INPP4B: variants seen among roughly 807,000 people sequenced by gnomAD.
The protein encoded by INPP4B is inositol polyphosphate 4-phosphatase type II.
In INPP4B, 55 loss-of-function variants were observed where a neutral mutation model predicts 122.5. That is an observed-to-expected ratio of 0.45 (90% CI 0.36 to 0.56). INPP4B has a LOEUF of 0.56. Among genes scored for constraint, INPP4B ranks in the 20% least tolerant of loss-of-function variants. The pLI, the probability that INPP4B is intolerant of heterozygous loss-of-function variation, is 0.00. For missense variants in INPP4B, 1,000 were observed against 1,097.7 expected, an observed-to-expected ratio of 0.91 and a Z score of 1.26; for synonymous variants, 403 against 388.7, an observed-to-expected ratio of 1.04 and a Z score of -0.43.
At chr4:142,030,110 A>T (rs750296278) in intron 25 of INPP4B, 1 of 1,495,152 alleles carries the variant, frequency 6.7e-7, no homozygotes, top group Non-Finnish European at 8.9e-7. Flanking sequence ...GAAAAGAAAA[A>T]GGAATACAAC....
At chr4:142,585,755 A>G (rs1442940535) in intron 2 of INPP4B, among the ~76,000 whole-genome samples, 1 of 151,978 alleles carries the variant, frequency 6.6e-6, no homozygotes, top group Non-Finnish European at 1.5e-5. Flanking sequence ...TCTTTGAAGT[A>G]TCTCTTTCCA....
chr4:142,318,059 A>G (rs949876302), intron 7 of INPP4B, among the ~76,000 whole-genome samples: 4 of 152,162 alleles, frequency 2.6e-5, no homozygotes, highest in African/African-American at 7.2e-5. Context: ...GTCACCTTGG[A>G]AAAATTATTG....
chr4:142,405,120 G>GGGC, intron 6 of INPP4B, 86 bp downstream of exon 6: 1 of 701,442 alleles, frequency 1.4e-6, no homozygotes, highest in Non-Finnish European at 2.5e-6. Flanking sequence ...GGCGGGGGTG[G>GGGC]GGGGGAGGGA....
At chr4:142,838,859 A>C (rs2151204258) in intron 1 of INPP4B, among the ~76,000 whole-genome samples, 1 of 152,350 alleles carries the variant, frequency 6.6e-6, no homozygotes, top group Non-Finnish European at 1.5e-5. Context: ...CAAGGGGAAA[A>C]CCAAACAATT....
intron 25 of INPP4B, among the ~76,000 whole-genome samples, chr4:142,033,082 A>T (rs1741405186): frequency 6.6e-6 from 1 of 152,196 alleles, no homozygotes; most frequent in African/African-American, 2.4e-5. Flanking sequence ...GAAAAGAAAA[A>T]GAAAAGGAAT....
At chr4:142,400,734 T>A (rs1487011458) in intron 7 of INPP4B, among the ~76,000 whole-genome samples, 1 of 152,144 alleles carries the variant, frequency 6.6e-6, no homozygotes, top group Non-Finnish European at 1.5e-5. Context: ...TCCAGTTCAT[T>A]CCATACTTTT....
intron 25 of INPP4B, among the ~76,000 whole-genome samples, chr4:142,049,478 G>A (rs1477166893): frequency 1.3e-5 from 2 of 151,988 alleles, no homozygotes; most frequent in Non-Finnish European, 2.9e-5. Context: ...GTCTATTTAT[G>A]ACTCAAGCTG....
At chr4:142,637,697 T>C (rs903161029) in intron 2 of INPP4B, among the ~76,000 whole-genome samples, 1 of 152,194 alleles carries the variant, frequency 6.6e-6, no homozygotes, top group African/African-American at 2.4e-5. Flanking sequence ...AGTTTTCAAT[T>C]CATTTGGGTA....
chr4:142,539,358 A>G (rs1326131512), intron 2 of INPP4B, among the ~76,000 whole-genome samples: 2 of 152,004 alleles, frequency 1.3e-5, no homozygotes, highest in African/African-American at 2.4e-5. Context: ...ATCTGTGTTT[A>G]GTCAACCAAC....
chr4:142,559,246 T>C (rs979515268), intron 2 of INPP4B, among the ~76,000 whole-genome samples: 2 of 152,172 alleles, frequency 1.3e-5, no homozygotes, highest in Non-Finnish European at 1.5e-5. Context: ...AAAATGGCAG[T>C]GCATTCATCA....
intron 2 of INPP4B, among the ~76,000 whole-genome samples, chr4:142,561,364 A>G (rs1011066082): frequency 1.3e-5 from 2 of 152,190 alleles, no homozygotes; most frequent in African/African-American, 4.8e-5. Flanking sequence ...ATAAATGGAA[A>G]CATTGAAGGA....
At chr4:142,501,707 G>A (rs1457292406) in intron 2 of INPP4B, among the ~76,000 whole-genome samples, 1 of 152,018 alleles carries the variant, frequency 6.6e-6, no homozygotes, top group Non-Finnish European at 1.5e-5. Flanking sequence ...ATCTAAATAA[G>A]CAATTGAAGT....
intron 7 of INPP4B, among the ~76,000 whole-genome samples, chr4:142,324,277 A>G (rs72941143): frequency 0.045 from 6,820 of 152,108 alleles, 503 homozygotes; most frequent in African/African-American, 0.16. Flanking sequence ...TAAGCTACCC[A>G]GTCTATGGTA....
chr4:142,658,671 T>G (rs746568178), intron 2 of INPP4B, among the ~76,000 whole-genome samples: 1 of 152,230 alleles, frequency 6.6e-6, no homozygotes, highest in Non-Finnish European at 1.5e-5. Flanking sequence ...ATTGGAAGAA[T>G]TGGTTATTTT....
At chr4:142,049,082 G>GT (rs1351861242) in intron 25 of INPP4B, among the ~76,000 whole-genome samples, 6 of 151,120 alleles carry the variant, frequency 4.0e-5, no homozygotes, top group African/African-American at 1.5e-4. Flanking sequence ...CACTCATGAA[G>GT]TTTTGGAAGT....
intron 2 of INPP4B, among the ~76,000 whole-genome samples, chr4:142,564,194 G>A (rs1012714125): frequency 1.3e-5 from 2 of 152,046 alleles, no homozygotes; most frequent in African/African-American, 4.8e-5. Context: ...TAGTCCTTTG[G>A]GGAAACAGAA....
intron 2 of INPP4B, among the ~76,000 whole-genome samples, chr4:142,473,894 C>A (rs770244591): frequency 6.6e-6 from 1 of 152,208 alleles, no homozygotes; most frequent in Non-Finnish European, 1.5e-5. Context: ...ACCCAGATGA[C>A]AAGGCAGGTG....
chr4:142,657,349 G>T (rs1181929264), intron 2 of INPP4B, among the ~76,000 whole-genome samples: 2 of 152,156 alleles, frequency 1.3e-5, no homozygotes, highest in African/African-American at 4.8e-5. Context: ...TGCTTTTTGG[G>T]TTTTGAGATC....
Position 142,086,248 on chromosome 4 carries a change from G to A in INPP4B, c.2383C>T (p.His795Tyr), listed in dbSNP as rs143281990. The A allele has an allele frequency of 9.1e-5, 138 of 1,522,560 alleles. No homozygotes were observed. The highest frequency in any genetic ancestry group is 1.7e-4 in the Middle Eastern group (1 of 5,908). The allele number at this position is 1,522,560 out of a possible 1,614,324, so 94.3% of individuals were successfully genotyped here. Residue 795 changes from histidine to tyrosine, a missense_variant, in exon 24 of 26, where the codon CAT becomes TAT. Coordinates refer to ENST00000262992, the MANE Select transcript of INPP4B (RefSeq NM_001101669.3). The part of the protein sequence containing the change: ...MEKMPPDYIS[H>Y]FQEQNDLKAL... ...TTTAAATCATTTTGTTCCTGAAAAT[G>A]TGAAATATCTGAAGGGGAAAAAACA...
Sources: allele counts gnomAD v4.1 joint callset (sites outside exome capture counted in the v4.1 genomes callset), GRCh38; gene constraint gnomAD v4.1.1; transcripts MANE v1.5; gene names NCBI Gene and HGNC (gene_info 2026-07-23, HGNC 2026-07-21).